The following SYK variants were observed in gnomAD, a reference collection of about 807,000 sequenced individuals.
SYK encodes the protein spleen associated tyrosine kinase, also known as tyrosine-protein kinase SYK.
SYK carries 16 observed loss-of-function variants against 77.8 expected under a neutral mutation model. The observed-to-expected ratio is 0.21, with a 90% CI of 0.14 to 0.31. The LOEUF is 0.31. Ranked by LOEUF, SYK falls within the 10% of genes least tolerant of loss-of-function variation. The probability of loss-of-function intolerance (pLI) is 1.00; values close to 1 mark genes in which losing one functional copy is unlikely to be tolerated. For missense variants in SYK, 529 were observed against 814.4 expected (o/e 0.65, Z 4.26); for synonymous variants, 312 against 308.7 (o/e 1.01, Z -0.11).
intron 1 of SYK, among the ~76,000 whole-genome samples, chr9:90,841,938 AGT>A (rs199597142): frequency 0.028 from 3,659 of 129,028 alleles, 156 homozygotes; most frequent in East Asian, 0.26. Flanking sequence ...TGGTGTGTGT[AGT>A]GTGTGTGGTG....
chr9:90,871,439 T>C, intron 7 of SYK, among the ~76,000 whole-genome samples: 1 of 152,376 alleles, frequency 6.6e-6, no homozygotes, highest in Non-Finnish European at 1.5e-5. Flanking sequence ...TTAAATGTCA[T>C]TACATTTTTT....
chr9:90,874,229 A>T lies in SYK; in HGVS notation c.941A>T (p.Gln314Leu). 1 of 1,614,220 alleles carries T rather than the reference A, an allele frequency of 6.2e-7. No individual in the cohort carries two copies. Residue 314 changes from glutamine to leucine, a missense_variant, in exon 8 of 14, where the codon CAA (glutamine) becomes CTA (leucine). Gln to Leu is a moderately radical substitution (Grantham distance 113). Transcript: ENST00000375754. ...TCCTCCCCTGCCCAAGGGAACCGGC[A>T]AGAGAGTACTGTGTCATTCAATCCG... ...RKSSPAQGNR[Q>L]ESTVSFNPYE...
chr9:90,842,728 A>G (rs10821509), intron 1 of SYK, among the ~76,000 whole-genome samples: 105,315 of 149,966 alleles, frequency 0.7, 37,375 homozygotes, highest in African/African-American at 0.81. Context: ...TGTGTGTGGC[A>G]TGCATGTAGT....
intron 1 of SYK, among the ~76,000 whole-genome samples, chr9:90,806,574 A>G (rs1402886762): frequency 1.3e-5 from 2 of 152,072 alleles, no homozygotes; most frequent in Non-Finnish European, 2.9e-5. Flanking sequence ...TTTTATGTAA[A>G]TTGCTTATCA....
intron 1 of SYK, among the ~76,000 whole-genome samples, chr9:90,823,985 T>C (rs890216558): frequency 2.6e-5 from 4 of 151,464 alleles, no homozygotes; most frequent in African/African-American, 4.9e-5. Context: ...ATCAACCAAA[T>C]TGATAAACCT....
At chr9:90,841,817 G>C (rs1272962135) in intron 1 of SYK, among the ~76,000 whole-genome samples, 1 of 150,820 alleles carries the variant, frequency 6.6e-6, no homozygotes, top group Non-Finnish European at 1.5e-5. Flanking sequence ...TGTGTTGTAT[G>C]TGGTGTGTAT....
chr9:90,896,867 A>C lies in SYK; in HGVS notation c.*1267A>C, dbSNP rs1829008350. On this transcript the variant is annotated 3_prime_UTR_variant, in exon 14 of 14. Coordinates refer to ENST00000375754, the MANE Select transcript of SYK (RefSeq NM_003177.7). ...TATGGTAAAACCCCATCTCTACTAA[A>C]AATACAAAAATTAGCCGGGCATGGT... 1 of 199,824 alleles carries C rather than the reference A, an allele frequency of 5.0e-6. No homozygotes were observed. The highest frequency in any genetic ancestry group is 6.0e-5 in the Admixed American group (1 of 16,560). The allele number at this position is 199,824 out of a possible 1,614,324, so 12.4% of individuals were successfully genotyped here. A position where few individuals can be genotyped will look rare whatever the true frequency, so the allele number is the denominator to read the frequency against.
chr9:90,817,882 T>TGTGA (rs1302553724), intron 1 of SYK, among the ~76,000 whole-genome samples: 8 of 66,916 alleles, frequency 1.2e-4, no homozygotes, highest in African/African-American at 3.2e-4. Context: ...TGTGTGTGTG[T>TGTGA]GAGAGAGAGA....
At chr9:90,891,714 A>G (rs984957516) in intron 13 of SYK, among the ~76,000 whole-genome samples, 5 of 152,160 alleles carry the variant, frequency 3.3e-5, no homozygotes, top group African/African-American at 1.2e-4. Context: ...AAGAAATTCA[A>G]TGAGGTGCAG....
At chr9:90,877,805 C>T in intron 10 of SYK, 25 bp downstream of exon 10, 1 of 1,612,822 alleles carries the variant, frequency 6.2e-7, no homozygotes, top group South Asian at 1.1e-5. Context: ...CCCCACACAT[C>T]TGGAAGCTAT....
chr9:90,868,304 A>G (rs1010316376), intron 7 of SYK, among the ~76,000 whole-genome samples: 14 of 152,248 alleles, frequency 9.2e-5, no homozygotes, highest in Admixed American at 8.5e-4. Context: ...AGAAATACCT[A>G]GAAAATAAGT....
intron 11 of SYK, among the ~76,000 whole-genome samples, chr9:90,883,589 AC>A (rs1828241346): frequency 6.6e-6 from 1 of 151,916 alleles, no homozygotes; most frequent in South Asian, 2.1e-4. Context: ...CAACCTAGAG[AC>A]CACCCCTCCC....
intron 13 of SYK, among the ~76,000 whole-genome samples, chr9:90,891,238 C>T (rs1454843683): frequency 2.6e-5 from 4 of 151,246 alleles, no homozygotes; most frequent in Non-Finnish European, 5.9e-5. Context: ...CTCTGTCTCC[C>T]GGGTTCACAC....
chr9:90,873,902 G>C (rs942820887), intron 7 of SYK, among the ~76,000 whole-genome samples: 1 of 152,264 alleles, frequency 6.6e-6, no homozygotes, highest in Admixed American at 6.5e-5. Context: ...GATGTGCAAG[G>C]GGGTGAGTGG....
intron 1 of SYK, among the ~76,000 whole-genome samples, chr9:90,832,333 A>C (rs1254778522): frequency 6.6e-6 from 1 of 152,264 alleles, no homozygotes; most frequent in East Asian, 1.9e-4. Flanking sequence ...CACTATGAAG[A>C]TTTATTAGTT....
rs158686 is a variant in SYK, at chr9:90,896,797, C to T, written c.*1197C>T. ...ATCTCAGCACTTTAGGAGGCCGAGG[C>T]GGGTGGATCACTTGAGGTAAGGAGT... On this transcript the variant is annotated 3_prime_UTR_variant, in exon 14 of 14. Transcript: ENST00000375754. 2.3e-5 allele frequency: 5 copies of T among 219,104 alleles called. No homozygotes were observed. Among genetic ancestry groups the T allele is most frequent in the East Asian group, 6.7e-5 (1 of 14,948 alleles). 13.6% of individuals were successfully genotyped at this position (219,104 alleles called of 1,614,324 possible). A position where few individuals can be genotyped will look rare whatever the true frequency, so the allele number is the denominator to read the frequency against.
chr9:90,821,579 A>G (rs1357442422), intron 1 of SYK, among the ~76,000 whole-genome samples: 1 of 152,240 alleles, frequency 6.6e-6, no homozygotes, highest in Non-Finnish European at 1.5e-5. Context: ...CCCTCTCACA[A>G]CATGTGGGAA....
chr9:90,878,705 T>C (rs1033728942), intron 10 of SYK, 59 bp from the exon 11 acceptor site: 2 of 1,454,210 alleles, frequency 1.4e-6, no homozygotes, highest in Non-Finnish European at 1.9e-6. Flanking sequence ...GGAGCATGGT[T>C]GTTTGTTGTG....
At chr9:90,808,139 A>G (rs1824915491) in intron 1 of SYK, among the ~76,000 whole-genome samples, 1 of 151,868 alleles carries the variant, frequency 6.6e-6, no homozygotes, top group African/African-American at 2.4e-5. Context: ...CTCCTTTGCC[A>G]TTTGCACTGT....
Sources: allele counts gnomAD v4.1 joint callset (sites outside exome capture counted in the v4.1 genomes callset), GRCh38; gene constraint gnomAD v4.1.1; transcripts MANE v1.5; gene names NCBI Gene and HGNC (gene_info 2026-07-23, HGNC 2026-07-21).